Variants in MUC17 observed in about 807,000 individuals in gnomAD.
MUC17 encodes the protein mucin-17.
Under a neutral mutation model 170.3 loss-of-function variants are expected in MUC17, and 190 were observed. That is an observed-to-expected ratio of 1.12 (90% CI 0.99 to 1.26). The LOEUF (loss-of-function observed/expected upper bound fraction) is 1.26, where lower values mean the gene tolerates loss of function less well. MUC17 is among the 50% of genes most tolerant of loss of function. MUC17 has a pLI of 0.00. For missense variants in MUC17, 6,415 were observed against 5,530.0 expected, an observed-to-expected ratio of 1.16 and a Z score of -5.08; for synonymous variants, 2,325 against 2,002.5, an observed-to-expected ratio of 1.16 and a Z score of -4.30.
Position 101,035,974 on chromosome 7 carries a change from C to T in MUC17, c.4558C>T (p.Pro1520Ser). ...AGGAAGCACTGCATTAACAAGTATA[C>T]CTGTCAGCACCACAACAGTGGCCAG... ...SEGSTALTSIPVSTTTVASSE... is the reference protein window; with the variant it reads ...SEGSTALTSISVSTTTVASSE... The change falls in exon 3 of 13, where the codon CCT becomes TCT. Residue 1520 changes from proline (P) to serine (S), a missense_variant. Coordinates refer to ENST00000306151, the MANE Select transcript of MUC17 (RefSeq NM_001040105.2). 3 of 1,612,088 alleles carry T rather than the reference C, an allele frequency of 1.9e-6. No homozygotes were observed. The highest frequency in any genetic ancestry group is 2.2e-5 in the South Asian group (2 of 90,862).
At position 101,048,825 on chromosome 7, in the gene MUC17, AG is replaced by A. The variant is rs1412927636; in HGVS notation, c.12536-19del. On this transcript the variant is annotated intron_variant, in intron 4 of 12. Transcript: ENST00000306151. ...TAGGAAACTCAGAGATGCTTTGCTC[AG>A]TAAGTCTACCCGCCTCAGGGCCACC... 9.3e-6 allele frequency: 15 copies of A among 1,613,710 alleles called. No individual in the cohort carries two copies. The Admixed American group carries it at 2.5e-4, about 27-fold the overall frequency.
At chr7:101,056,361 G>A in intron 12 of MUC17, 91 bp downstream of exon 12, 1 of 1,545,544 alleles carries the variant, frequency 6.5e-7, no homozygotes, top group South Asian at 1.2e-5. Flanking sequence ...CAGAAAAACA[G>A]AACCATGTTT....
At chr7:101,051,589 G>T in intron 7 of MUC17, 24 bp from the exon 8 acceptor site, 1 of 1,612,122 alleles carries the variant, frequency 6.2e-7, no homozygotes, top group East Asian at 2.2e-5. Flanking sequence ...GTGTCGTGAG[G>T]GGTTTTATGT....
intron 7 of MUC17, among the ~76,000 whole-genome samples, 189 bp from the exon 8 acceptor site, chr7:101,051,424 A>C (rs1032436508): frequency 2.6e-5 from 4 of 151,084 alleles, no homozygotes; most frequent in Admixed American, 2.0e-4. Flanking sequence ...AAAGGGAGGC[A>C]TAGGACAAAA....
chr7:101,038,787 G>C lies in MUC17; in HGVS notation c.7371G>C (p.Pro2457=), dbSNP rs769680760. Residue 2457 remains proline, a synonymous_variant, in exon 3 of 13, where the codon CCG becomes CCC. Transcript: ENST00000306151. The part of the protein sequence containing the change: ...PTSPPSEGTT[P]LASMPVSTTP... ...CACCTCCTAGTGAAGGAACCACTCC[G>C]TTAGCAAGTATGCCTGTCAGCACCA... 1.5e-5 allele frequency: 24 copies of C among 1,590,488 alleles called. No homozygotes were observed. The highest frequency in any genetic ancestry group is 2.0e-5 in the Non-Finnish European group (24 of 1,170,758).
chr7:101,029,533 ATGT>A (rs1794240221), intron 1 of MUC17, among the ~76,000 whole-genome samples: 1 of 151,918 alleles, frequency 6.6e-6, no homozygotes, highest in African/African-American at 2.4e-5. Context: ...TTCATGCCAG[ATGT>A]TGTGAATTTT....
At position 101,041,331 on chromosome 7, in the gene MUC17, T is replaced by G; in HGVS notation, c.9915T>G (p.Pro3305=). The change falls in exon 3 of 13, where the codon CCT becomes CCG. Residue 3305 remains proline (P), a synonymous_variant. Transcript: ENST00000306151. The part of the protein sequence containing the change: ...SSETSTLSTT[P]ADTSTPVTTY... ...AAACGAGCACCCTTTCAACAACTCC[T>G]GCTGACACCAGCACACCTGTGACCA... is the stretch of plus-strand genomic sequence containing the variant. The G allele has an allele frequency of 6.2e-7, 1 of 1,611,506 alleles. No homozygotes were observed. The highest frequency in any genetic ancestry group is 8.5e-7 in the Non-Finnish European group (1 of 1,178,340).
Position 101,050,549 on chromosome 7 carries a change from C to T in MUC17, c.12788C>T (p.Thr4263Ile). Reference protein sequence around the residue: ...LRTKYTPEYKTVLDNATEVVK... With the variant: ...LRTKYTPEYKIVLDNATEVVK... ...ACCAAGTACACACCAGAATACAAGA[C>T]AGTATTGGACAATGCCACCGAAGTA... is the stretch of plus-strand genomic sequence containing the variant. The change falls in exon 7 of 13, where the codon ACA becomes ATA. Residue 4263 changes from threonine to isoleucine, a missense_variant. By Grantham distance (89) the Thr-to-Ile change is moderately conservative. Transcript: ENST00000306151. 2 of 1,614,148 alleles carry T rather than the reference C, an allele frequency of 1.2e-6. No homozygotes were observed. The highest frequency in any genetic ancestry group is 4.5e-5 in the East Asian group (2 of 44,888).
chr7:101,057,852 C>G (rs1053814769), intron 12 of MUC17, 151 bp from the exon 13 acceptor site: 71 of 593,000 alleles, frequency 1.2e-4, no homozygotes, highest in Middle Eastern at 1.1e-3. Flanking sequence ...TGCACTCCAG[C>G]CTGGATGGCA....
rs146929478 is a variant in MUC17, at chr7:101,048,879, G to C, written c.12570G>C (p.Leu4190=). ...PPETISAQME[L]TVTVTSVKFT... is the part of the protein sequence containing the mutation. ...AGACTATCTCTGCCCAAATGGAACTGACTGTGACAGTGACCAGTGTGAAGT... is the reference window on the plus strand; with the variant it reads ...AGACTATCTCTGCCCAAATGGAACTCACTGTGACAGTGACCAGTGTGAAGT... The change falls in exon 5 of 13, where the codon CTG becomes CTC. Residue 4190 remains leucine, a synonymous_variant. Coordinates refer to ENST00000306151, the MANE Select transcript of MUC17 (RefSeq NM_001040105.2). 576 of 1,614,086 alleles carry C rather than the reference G, an allele frequency of 3.6e-4. 1 individual carries two copies. The Middle Eastern group carries it at 4.0e-3, about 11-fold the overall frequency.
In MUC17 at chr7:101,041,654, G is replaced by T. The variant is rs748493902; in HGVS notation, c.10238G>T (p.Ser3413Ile). Residue 3413 changes from serine (S) to isoleucine (I), a missense_variant, in exon 3 of 13, where the codon AGT becomes ATT. By Grantham distance (142) the Ser-to-Ile change is moderately radical. Coordinates refer to ENST00000306151, the MANE Select transcript of MUC17 (RefSeq NM_001040105.2). ...SMPVSTTPVV[S>I]SEVNTLSTTP... ...CCTGTCAGCACCACGCCGGTGGTCA[G>T]TTCTGAGGTTAACACCCTTTCAACA... 8.1e-6 allele frequency: 13 copies of T among 1,613,916 alleles called. No individual in the cohort carries two copies. The highest frequency in any genetic ancestry group is 1.1e-5 in the South Asian group (1 of 91,062).
In MUC17 at chr7:101,038,663, C is replaced by A. The variant is rs776459409; in HGVS notation, c.7247C>A (p.Thr2416Asn). The A allele has an allele frequency of 3.1e-6, 5 of 1,613,902 alleles. No individual in the cohort carries two copies. The highest frequency in any genetic ancestry group is 4.2e-6 in the Non-Finnish European group (5 of 1,180,006). The change falls in exon 3 of 13, where the codon ACC becomes AAC. Residue 2416 changes from threonine (T) to asparagine (N), a missense_variant. Thr to Asn is a moderately conservative substitution (Grantham distance 65). Transcript: ENST00000306151. ...CCGGTGGTCAGTTCTGAGGCTAGCA[C>A]CCATTCCACAACTCCTGTTGACACC... Reference protein sequence around the residue: ...TMPVVSSEASTHSTTPVDTST... With the variant: ...TMPVVSSEASNHSTTPVDTST...
intron 1 of MUC17, among the ~76,000 whole-genome samples, chr7:101,026,933 C>A (rs1214932210): frequency 6.6e-6 from 1 of 151,808 alleles, no homozygotes; most frequent in Non-Finnish European, 1.5e-5. Context: ...TGAGGCTGGT[C>A]TCAAACTCAT....
At position 101,051,912 on chromosome 7, in the gene MUC17, G is replaced by C. The variant is rs370231328; in HGVS notation, c.13053G>C (p.Lys4351Asn). 1 of 1,614,172 alleles carries C rather than the reference G, an allele frequency of 6.2e-7. No homozygotes were observed. The highest frequency in any genetic ancestry group is 8.5e-7 in the Non-Finnish European group (1 of 1,180,010). ...GTGAGCCTGGCTTCAGTGTCTCCAA[G>C]AACTGTAACCTCGGCAAGTGCCAGA... is the stretch of plus-strand genomic sequence containing the variant. ...SPCEPGFSVSKNCNLGKCQMS... is the reference protein window; with the variant it reads ...SPCEPGFSVSNNCNLGKCQMS... The change falls in exon 9 of 13, where the codon AAG (lysine) becomes AAC (asparagine). Residue 4351 changes from lysine (K) to asparagine (N), a missense_variant. Transcript: ENST00000306151.
intron 1 of MUC17, among the ~76,000 whole-genome samples, chr7:101,029,207 AT>A (rs1794233826): frequency 1.4e-5 from 2 of 144,396 alleles, no homozygotes; most frequent in South Asian, 2.5e-4. Flanking sequence ...AAAAAAAAAA[AT>A]AGCTGGACAC....
At position 101,035,128 on chromosome 7, in the gene MUC17, AC is replaced by A. The variant is rs1562807617; in HGVS notation, c.3715del (p.Leu1239PhefsTer12). ...HTPVASSEAS[T>X]LSTSPVDTST... ...GCCAGTGGCCAGTTCTGAGGCTAGC[AC>A]CCTTTCAACATCTCCCGTTGACACC... On this transcript the variant is annotated frameshift_variant, in exon 3 of 13. Transcript: ENST00000306151. LOFTEE classifies it high-confidence loss of function. The A allele has an allele frequency of 6.2e-7, 1 of 1,610,890 alleles. No individual in the cohort carries two copies. The highest frequency in any genetic ancestry group is 8.5e-7 in the Non-Finnish European group (1 of 1,178,602).
intron 3 of MUC17, among the ~76,000 whole-genome samples, chr7:101,046,636 G>A (rs912869336): frequency 1.8e-4 from 28 of 152,074 alleles, no homozygotes; most frequent in Non-Finnish European, 4.4e-5. Flanking sequence ...AAATTAGCCA[G>A]GCATGGTGAT....
In MUC17 at chr7:101,043,611, A is replaced by T; in HGVS notation, c.12195A>T (p.Thr4065=). ...STITSHTIPP[T]FPPAHSSTPP... The stretch of plus-strand genomic sequence containing the variant: ...TTACTTCTCACACCATCCCACCTAC[A>T]TTTCCTCCTGCTCACTCCAGTACAC... The change falls in exon 3 of 13, where the codon ACA becomes ACT. Residue 4065 remains threonine (T), a synonymous_variant. Transcript: ENST00000306151. The T allele has an allele frequency of 6.2e-7, 1 of 1,613,746 alleles. No homozygotes were observed. Among genetic ancestry groups the T allele is most frequent in the South Asian group, 1.1e-5 (1 of 91,048 alleles).
At chr7:101,051,776 G>T (rs1289438637) in intron 8 of MUC17, 27 bp from the exon 9 acceptor site, 3 of 1,609,596 alleles carry the variant, frequency 1.9e-6, no homozygotes, top group South Asian at 1.1e-5. Flanking sequence ...GATCACGGCT[G>T]TTCCCTGTCC....
Sources: allele counts gnomAD v4.1 joint callset (sites outside exome capture counted in the v4.1 genomes callset), GRCh38; gene constraint gnomAD v4.1.1; transcripts MANE v1.5; gene names NCBI Gene and HGNC (gene_info 2026-07-23, HGNC 2026-07-21).